FBXO36: variants seen among roughly 807,000 people sequenced by gnomAD.
The protein encoded by FBXO36 is F-box only protein 36.
Under a neutral mutation model 17.0 loss-of-function variants are expected in FBXO36, and 18 were observed. The ratio of observed to expected loss-of-function variants is 1.06; its 90% confidence interval spans 0.73 to 1.57. FBXO36 has a LOEUF of 1.57. Ranked by LOEUF, FBXO36 falls within the 40% of genes most tolerant of loss-of-function variation. FBXO36 has a pLI of 0.00. For missense variants in FBXO36, 229 were observed against 221.9 expected (o/e 1.03, Z -0.20); for synonymous variants, 83 against 85.3 (o/e 0.97, Z 0.15).
At chr2:229,970,240 C>T (rs946472217) in intron 1 of FBXO36, among the ~76,000 whole-genome samples, 2 of 152,106 alleles carry the variant, frequency 1.3e-5, no homozygotes, top group African/African-American at 4.8e-5. Flanking sequence ...TTATTTGGGG[C>T]CGGGTGCAGT....
chr2:229,983,898 C>A lies in FBXO36; in HGVS notation c.205+7549C>A, dbSNP rs148253724. Among the ~76,000 whole-genome samples the A allele has an allele frequency of 3.0e-3, 457 of 152,216 alleles. 5 individuals carry two copies. The highest frequency in any genetic ancestry group is 0.01 in the African/African-American group (434 of 41,528). ...TGAAGTGCTTAGAATTTGCCTGGCACATAATAAGTACTCAAAAAATTCCAG... is the reference window on the plus strand; with the variant it reads ...TGAAGTGCTTAGAATTTGCCTGGCAAATAATAAGTACTCAAAAAATTCCAG... On this transcript the variant is annotated intron_variant, in intron 2 of 3. Transcript: ENST00000283946.
chr2:230,001,432 C>G (rs2077358044), intron 3 of FBXO36, among the ~76,000 whole-genome samples: 1 of 151,752 alleles, frequency 6.6e-6, no homozygotes, highest in African/African-American at 2.4e-5. Flanking sequence ...GGATTACAGG[C>G]ACCCACCACT....
At chr2:229,946,815 A>T (rs753814441) in intron 1 of FBXO36, among the ~76,000 whole-genome samples, 14 of 152,204 alleles carry the variant, frequency 9.2e-5, no homozygotes, top group Non-Finnish European at 1.6e-4. Flanking sequence ...GCACAGTGTG[A>T]ACTCAGTACA....
At chr2:230,010,591 G>A (rs773694778) in intron 3 of FBXO36, 105 bp from the exon 4 acceptor site, 1 of 1,045,524 alleles carries the variant, frequency 9.6e-7, no homozygotes, top group Non-Finnish European at 1.4e-6. Context: ...CAGGACCTGT[G>A]TCTGGCACAG....
chr2:229,935,797 C>G (rs945647770), intron 1 of FBXO36, among the ~76,000 whole-genome samples: 2 of 152,164 alleles, frequency 1.3e-5, no homozygotes, highest in African/African-American at 4.8e-5. Context: ...CAAGTATCTT[C>G]TGTGTATCAA....
At chr2:229,946,009 C>T (rs1452056559) in intron 1 of FBXO36, among the ~76,000 whole-genome samples, 5 of 146,528 alleles carry the variant, frequency 3.4e-5, no homozygotes, top group Non-Finnish European at 6.0e-5. Flanking sequence ...GTAACGAGAG[C>T]GAAACTCCAT....
At chr2:229,937,910 A>T (rs545159485) in intron 1 of FBXO36, 58 of 152,272 alleles carry the variant, frequency 3.8e-4, no homozygotes, top group African/African-American at 1.4e-3. Context: ...AGCACTTACC[A>T]TGGTGGACAT....
chr2:230,001,002 G>A lies in FBXO36; in HGVS notation c.378+4079G>A, dbSNP rs375359482. 4.6e-5 allele frequency among the ~76,000 whole-genome samples: 7 copies of A among 151,644 alleles called. No homozygotes were observed. The East Asian group carries it at 7.9e-4, about 17-fold the overall frequency. ...CCTGAGTAGCTGGGTGGGACTACAG[G>A]TGCTTGCCACCATGCCTGGCTAATT... On this transcript the variant is annotated intron_variant, in intron 3 of 3. Transcript: ENST00000283946.
At position 230,010,762 on chromosome 2, in the gene FBXO36, G is replaced by A. The variant is rs749047441; in HGVS notation, c.445G>A (p.Val149Met). The stretch of plus-strand genomic sequence containing the variant: ...GACCTGCGACACCATCACTCCTGAC[G>A]TGAGGGCCCTGGCGGAGGACACAGG... ...QSTCDTITPD[V>M]RALAEDTGWR... The change falls in exon 4 of 4, where the codon GTG becomes ATG. Residue 149 changes from valine to methionine, a missense_variant. Transcript: ENST00000283946. 10 of 1,613,836 alleles carry A rather than the reference G, an allele frequency of 6.2e-6. No individual in the cohort carries two copies. The highest frequency in any genetic ancestry group is 2.2e-5 in the East Asian group (1 of 44,898).
At chr2:229,982,211 A>C (rs1293455166) in intron 2 of FBXO36, among the ~76,000 whole-genome samples, 2 of 151,732 alleles carry the variant, frequency 1.3e-5, no homozygotes, top group Non-Finnish European at 2.9e-5. Flanking sequence ...TTTTTTGTAG[A>C]GATGGGGTTT....
intron 1 of FBXO36, chr2:229,932,895 C>G (rs2076946214): frequency 3.0e-6 from 1 of 332,140 alleles, no homozygotes; most frequent in Non-Finnish European, 6.3e-6. Flanking sequence ...TGGTGAAACC[C>G]CATCTCTAAT....
intron 1 of FBXO36, among the ~76,000 whole-genome samples, chr2:229,969,427 G>T (rs1333711960): frequency 1.3e-5 from 2 of 151,180 alleles, no homozygotes; most frequent in Non-Finnish European, 2.9e-5. Flanking sequence ...GGTGGCTCAC[G>T]CCTGTAATCC....
chr2:229,922,786 T>C (rs2076790728), intron 1 of FBXO36, among the ~76,000 whole-genome samples, 177 bp downstream of exon 1: 1 of 152,176 alleles, frequency 6.6e-6, no homozygotes, highest in Admixed American at 6.5e-5. Flanking sequence ...ACGGCCCGCG[T>C]GTCCCTGCTC....
At chr2:229,985,351 G>A (rs1490318310) in intron 2 of FBXO36, among the ~76,000 whole-genome samples, 3 of 152,184 alleles carry the variant, frequency 2.0e-5, no homozygotes, top group Admixed American at 2.0e-4. Flanking sequence ...CCAATAGGAG[G>A]TAGGTGTTTT....
At chr2:229,938,263 C>G (rs555982731) in intron 1 of FBXO36, among the ~76,000 whole-genome samples, 1 of 127,868 alleles carries the variant, frequency 7.8e-6, no homozygotes, top group South Asian at 2.5e-4. Flanking sequence ...CTCTTGTCGC[C>G]CAGGCTGGAG....
chr2:229,996,913 G>A lies in FBXO36; in HGVS notation c.368G>A (p.Arg123Lys). The change falls in exon 3 of 4, where the codon AGA (arginine) becomes AAA (lysine). Residue 123 changes from arginine to lysine, a missense_variant. Arg to Lys is a conservative substitution (Grantham distance 26, BLOSUM62 2). Coordinates refer to ENST00000283946, the MANE Select transcript of FBXO36 (RefSeq NM_174899.5). ...GCCAGGCTTTGTCAAACATCACACA[G>A]ATTTGCAAAGGTAACGGTCAATTAT... ...DIARLCQTSH[R>K]FAKLCMSDKL... 6.2e-7 allele frequency: 1 copy of A among 1,611,898 alleles called. No individual in the cohort carries two copies.
At chr2:230,004,200 T>A (rs1474736884) in intron 3 of FBXO36, among the ~76,000 whole-genome samples, 1 of 152,142 alleles carries the variant, frequency 6.6e-6, no homozygotes, top group Non-Finnish European at 1.5e-5. Context: ...ACCACCTGGA[T>A]CTCCCAAATG....
chr2:229,961,563 A>T (rs931008225), intron 1 of FBXO36, among the ~76,000 whole-genome samples: 1 of 151,948 alleles, frequency 6.6e-6, no homozygotes, highest in African/African-American at 2.4e-5. Flanking sequence ...TTTAGTAGAG[A>T]CGGGGTTTCA....
At chr2:229,966,812 C>T (rs1457225720) in intron 1 of FBXO36, among the ~76,000 whole-genome samples, 6 of 152,098 alleles carry the variant, frequency 3.9e-5, no homozygotes, top group Admixed American at 6.6e-5. Flanking sequence ...AGTCAGGTAG[C>T]GTGATGCCTC....
Sources: gnomAD v4.1 joint callset for allele counts (sites outside exome capture counted in the v4.1 genomes callset) on GRCh38, gnomAD v4.1.1 for gene constraint, MANE v1.5 for transcripts, NCBI Gene and HGNC (gene_info 2026-07-23, HGNC 2026-07-21) for gene names.